Variants in ACO1 observed in about 807,000 individuals in gnomAD.
ACO1 encodes the protein cytoplasmic aconitate hydratase.
A neutral mutation model predicts 105.1 loss-of-function variants in ACO1; 78 were observed. The ratio of observed to expected loss-of-function variants is 0.74; its 90% CI spans 0.62 to 0.90. The LOEUF is 0.90. Ranked by LOEUF, ACO1 falls within the 40% of genes least tolerant of loss-of-function variation. ACO1 has a pLI of 0.00. For synonymous variants in ACO1, 364 were observed against 397.4 expected (o/e 0.92, Z 1.00); for missense variants, 965 against 1,111.1 (o/e 0.87, Z 1.87).
chr9:32,390,316 T>C (rs1256873651), intron 1 of ACO1, among the ~76,000 whole-genome samples: 3 of 152,244 alleles, frequency 2.0e-5, no homozygotes, highest in African/African-American at 7.2e-5. Context: ...CTATCCTGTT[T>C]CTCTACTTTG....
chr9:32,417,293 T>C (rs1821871267), intron 4 of ACO1, among the ~76,000 whole-genome samples: 1 of 152,236 alleles, frequency 6.6e-6, no homozygotes, highest in Non-Finnish European at 1.5e-5. Flanking sequence ...CAAAAAGTGT[T>C]AACTACTGGG....
chr9:32,433,120 T>C (rs1053532313), intron 15 of ACO1, among the ~76,000 whole-genome samples: 1 of 152,116 alleles, frequency 6.6e-6, no homozygotes, highest in African/African-American at 2.4e-5. Context: ...ATCTAGGAGA[T>C]AGTCACTAGC....
At chr9:32,405,738 C>A in intron 2 of ACO1, 135 bp downstream of exon 2, 1 of 635,032 alleles carries the variant, frequency 1.6e-6, no homozygotes, top group Non-Finnish European at 2.7e-6. Flanking sequence ...AGTGCACAAG[C>A]ACTCACATGC....
chr9:32,396,106 A>C (rs926246459), intron 1 of ACO1, among the ~76,000 whole-genome samples: 1 of 152,236 alleles, frequency 6.6e-6, no homozygotes, highest in African/African-American at 2.4e-5. Flanking sequence ...CATCCTGAGA[A>C]TTTCCAGTGT....
chr9:32,449,412 G>A (rs1196567161), intron 20 of ACO1, among the ~76,000 whole-genome samples: 1 of 152,052 alleles, frequency 6.6e-6, no homozygotes, highest in African/African-American at 2.4e-5. Flanking sequence ...CTATAAAAAC[G>A]TGAGCAACAG....
chr9:32,438,959 A>C (rs1235168201), intron 18 of ACO1, among the ~76,000 whole-genome samples: 1 of 152,272 alleles, frequency 6.6e-6, no homozygotes, highest in Non-Finnish European at 1.5e-5. Context: ...ACACAGGCAC[A>C]GTAACAGAAG....
intron 1 of ACO1, among the ~76,000 whole-genome samples, chr9:32,393,212 G>A (rs1821302983): frequency 6.6e-6 from 1 of 152,180 alleles, no homozygotes; most frequent in African/African-American, 2.4e-5. Flanking sequence ...GCAAATGGGA[G>A]AAATATCGCT....
intron 2 of ACO1, 54 bp from the exon 3 acceptor site, chr9:32,407,207 G>A (rs547972300): frequency 1.3e-6 from 2 of 1,555,296 alleles, no homozygotes; most frequent in African/African-American, 1.4e-5. Flanking sequence ...GCCTTAAAGA[G>A]CGCTCTTAAG....
intron 4 of ACO1, among the ~76,000 whole-genome samples, chr9:32,413,555 G>A (rs1332012752): frequency 6.6e-6 from 1 of 151,388 alleles, no homozygotes; most frequent in Non-Finnish European, 1.5e-5. Flanking sequence ...CTTGAGTTGT[G>A]GTTTTGCAAT....
rs371300303 is a variant in ACO1 at position 32,429,402 on chromosome 9, T to C, written c.1485-17T>C. The stretch of plus-strand genomic sequence containing the variant: ...TATTCTTTTTTTGTGTGTGTGTGCT[T>C]CTCTCTTGGTGTCTAGGTTTGACGT... On this transcript the variant is annotated splice_polypyrimidine_tract_variant and intron_variant, in intron 12 of 20. Coordinates refer to ENST00000309951, the MANE Select transcript of ACO1 (RefSeq NM_002197.3). 222 of 1,612,790 alleles carry C rather than the reference T, an allele frequency of 1.4e-4. No homozygotes were observed. Among genetic ancestry groups the C allele is most frequent in the Non-Finnish European group, 1.8e-4 (214 of 1,179,024 alleles).
intron 3 of ACO1, 110 bp from the exon 4 acceptor site, chr9:32,408,404 C>T: frequency 7.9e-7 from 1 of 1,260,202 alleles, no homozygotes; most frequent in Non-Finnish European, 1.1e-6. Flanking sequence ...ATTGTTAGCT[C>T]CTCTGATGAG....
intron 1 of ACO1, among the ~76,000 whole-genome samples, chr9:32,402,911 G>T (rs1243735597): frequency 1.3e-5 from 2 of 152,210 alleles, no homozygotes; most frequent in African/African-American, 4.8e-5. Context: ...AAATGCAGCT[G>T]CTATTACTTT....
At chr9:32,419,944 A>C (rs1482850151) in intron 7 of ACO1, among the ~76,000 whole-genome samples, 1 of 152,244 alleles carries the variant, frequency 6.6e-6, no homozygotes, top group Admixed American at 6.5e-5. Flanking sequence ...TTGCATGGAC[A>C]TGCTATCGTT....
rs758927242 is a variant in ACO1 at position 32,431,788 on chromosome 9, T to C, written c.1796T>C (p.Val599Ala). 3 of 1,614,114 alleles carry C rather than the reference T, an allele frequency of 1.9e-6. No individual in the cohort carries two copies. The highest frequency in any genetic ancestry group is 2.5e-6 in the Non-Finnish European group (3 of 1,180,010). ...CCGACTAGAGACGAGATCCAGGCAG[T>C]GGAGCGTCAGTATGTCATCCCGGGG... ...IWPTRDEIQAVERQYVIPGMF... is the reference protein window; with the variant it reads ...IWPTRDEIQAAERQYVIPGMF... The change falls in exon 15 of 21, where the codon GTG becomes GCG. Residue 599 changes from valine (V) to alanine (A), a missense_variant. Coordinates refer to ENST00000309951, the MANE Select transcript of ACO1 (RefSeq NM_002197.3).
rs138109699 is a variant in ACO1 at position 32,391,811 on chromosome 9, CAGATA to C, written c.-23+7083_-23+7087del. 1.8e-3 allele frequency among the ~76,000 whole-genome samples: 280 copies of C among 152,280 alleles called. 2 individuals are homozygous for C. The highest frequency in any genetic ancestry group is 6.4e-3 in the African/African-American group (267 of 41,542). On this transcript the variant is annotated intron_variant, in intron 1 of 20. Coordinates refer to ENST00000309951, the MANE Select transcript of ACO1 (RefSeq NM_002197.3). The stretch of plus-strand genomic sequence containing the variant: ...CCAGGTTTGAATTTTTGGTTCAGAA[CAGATA>C]AGATAAATAAGCCATTGCCAAGAAT...
At chr9:32,396,762 G>A (rs1259133419) in intron 1 of ACO1, among the ~76,000 whole-genome samples, 2 of 152,170 alleles carry the variant, frequency 1.3e-5, no homozygotes, top group African/African-American at 4.8e-5. Flanking sequence ...TATGAGGGCA[G>A]GGACTCTGTC....
intron 1 of ACO1, among the ~76,000 whole-genome samples, chr9:32,393,546 C>T (rs1821310287): frequency 6.6e-6 from 1 of 152,128 alleles, no homozygotes; most frequent in African/African-American, 2.4e-5. Flanking sequence ...CCTCCATTTA[C>T]CTTGTGATAT....
rs1254516963 is a variant in ACO1 at position 32,418,141 on chromosome 9, C to A, written c.418C>A (p.Gln140Lys). ...VDFNRRADSLQKNQDLEFERN... is the reference protein window; with the variant it reads ...VDFNRRADSLKKNQDLEFERN... Reference sequence around the variant, plus strand: ...TCTCTCTGACAGGGCAGACAGTTTACAGAAGAATCAAGACCTGGAATTTGA... The same window carrying A: ...TCTCTCTGACAGGGCAGACAGTTTAAAGAAGAATCAAGACCTGGAATTTGA... Residue 140 changes from glutamine (Q) to lysine (K), a missense_variant, in exon 5 of 21, where the codon CAG (glutamine) becomes AAG (lysine). Coordinates refer to ENST00000309951, the MANE Select transcript of ACO1 (RefSeq NM_002197.3). 6.2e-7 allele frequency: 1 copy of A among 1,614,074 alleles called. No individual in the cohort carries two copies. The highest frequency in any genetic ancestry group is 1.7e-5 in the Admixed American group (1 of 60,018).
rs564834012 is a variant in ACO1 at position 32,438,502 on chromosome 9, A to G, written c.2248-1963A>G. ...CGGGACTGAGAGCTCCAGGAATGATAGCTCCATGACAGAGATTTTAAAATG... is the reference window on the plus strand; with the variant it reads ...CGGGACTGAGAGCTCCAGGAATGATGGCTCCATGACAGAGATTTTAAAATG... On this transcript the variant is annotated intron_variant, in intron 18 of 20. Coordinates refer to ENST00000309951, the MANE Select transcript of ACO1 (RefSeq NM_002197.3). 3.3e-5 allele frequency among the ~76,000 whole-genome samples: 5 copies of G among 152,344 alleles called. No individual in the cohort carries two copies. The South Asian group carries it at 6.2e-4, about 19-fold the overall frequency.
Sources: gnomAD v4.1 joint callset for allele counts (sites outside exome capture counted in the v4.1 genomes callset) on GRCh38, gnomAD v4.1.1 for gene constraint, MANE v1.5 for transcripts, NCBI Gene and HGNC (gene_info 2026-07-23, HGNC 2026-07-21) for gene names.